The following TCTN3 variants were observed in gnomAD, a reference collection of about 807,000 sequenced individuals.
TCTN3 encodes the protein tectonic-3.
Under a neutral mutation model 71.3 loss-of-function variants are expected in TCTN3, and 57 were observed. That is an observed-to-expected ratio of 0.80 (90% CI 0.65 to 1.00). The LOEUF is 1.00. Among genes scored for constraint, TCTN3 ranks in the 50% least tolerant of loss-of-function variants. The probability of loss-of-function intolerance (pLI) is 0.00; values close to 1 mark genes in which losing one functional copy is unlikely to be tolerated. For synonymous variants in TCTN3, 258 were observed against 267.8 expected (o/e 0.96, Z 0.36); for missense variants, 696 against 719.9 (o/e 0.97, Z 0.38).
Position 95,692,974 on chromosome 10 carries a change from T to C in TCTN3, c.445A>G (p.Arg149Gly), listed in dbSNP as rs2139764963. ...IFRSNSPFPS[R>G]VFMDSNGIRQ... ...ATTCCATTAGAATCCATGAAAACTC[T>C]TGAAGGAAACGGGGAATTACTCCTG... Residue 149 changes from arginine to glycine, a missense_variant, in exon 3 of 14, where the codon AGA (arginine) becomes GGA (glycine). Transcript: ENST00000371217. 6.2e-7 allele frequency: 1 copy of C among 1,614,142 alleles called. No homozygotes were observed. Among genetic ancestry groups the C allele is most frequent in the Non-Finnish European group, 8.5e-7 (1 of 1,180,010 alleles).
Position 95,687,723 on chromosome 10 carries a change from A to C in TCTN3, c.500-4T>G. 5 of 1,603,696 alleles carry C rather than the reference A, an allele frequency of 3.1e-6. No homozygotes were observed. The highest frequency in any genetic ancestry group is 4.2e-6 in the Non-Finnish European group (5 of 1,177,540). On this transcript the variant is annotated splice_region_variant and splice_polypyrimidine_tract_variant and intron_variant, in intron 3 of 13. Transcript: ENST00000371217. The stretch of plus-strand genomic sequence containing the variant: ...TTCTGGAAATAGTTTAAGTTTGCTA[A>C]AATGTTTTTTAAAAGAAAAAGCGTT...
chr10:95,686,934 C>T, intron 6 of TCTN3, 110 bp downstream of exon 6: 2 of 922,366 alleles, frequency 2.2e-6, no homozygotes, highest in Admixed American at 2.6e-5. Flanking sequence ...TACGTGGCTC[C>T]TGGGGATTCT....
intron 13 of TCTN3, 28 bp from the exon 14 acceptor site, chr10:95,664,328 A>C (rs1188569466): frequency 6.3e-7 from 1 of 1,595,852 alleles, no homozygotes; most frequent in Non-Finnish European, 8.6e-7. Context: ...ATGACAGGTC[A>C]GCGCTTGGTA....
intron 13 of TCTN3, among the ~76,000 whole-genome samples, chr10:95,664,601 A>C (rs1037389877): frequency 6.6e-6 from 1 of 152,218 alleles, no homozygotes; most frequent in African/African-American, 2.4e-5. Context: ...TGCTGCTCTT[A>C]GGTGCTTAGC....
At chr10:95,670,803 C>CT (rs1474160658) in intron 13 of TCTN3, among the ~76,000 whole-genome samples, 6 of 152,138 alleles carry the variant, frequency 3.9e-5, no homozygotes, top group African/African-American at 1.4e-4. Flanking sequence ...GCTAGGAATA[C>CT]AGGTGCATGC....
chr10:95,685,711 C>T, intron 7 of TCTN3, 75 bp from the exon 8 acceptor site: 1 of 1,183,718 alleles, frequency 8.4e-7, no homozygotes, highest in Non-Finnish European at 1.2e-6. Flanking sequence ...AGATATCATG[C>T]TAAGATGAGT....
chr10:95,675,217 G>T (rs1003069204), intron 13 of TCTN3, among the ~76,000 whole-genome samples: 1 of 152,048 alleles, frequency 6.6e-6, no homozygotes, highest in African/African-American at 2.4e-5. Flanking sequence ...CTCAGCCTCT[G>T]GAGTAGCTGG....
chr10:95,693,169 C>T (rs1463876443), intron 2 of TCTN3, 131 bp from the exon 3 acceptor site: 3 of 1,207,392 alleles, frequency 2.5e-6, no homozygotes, highest in Non-Finnish European at 3.5e-6. Context: ...ACACGAAGGT[C>T]TTATTCTACT....
Position 95,693,344 on chromosome 10 carries a change from G to A in TCTN3, c.380+9C>T. The A allele has an allele frequency of 6.4e-7, 1 of 1,551,774 alleles. No individual in the cohort carries two copies. Among genetic ancestry groups the A allele is most frequent in the Non-Finnish European group, 8.7e-7 (1 of 1,146,998 alleles). ...CCCTTTAGGATTCAGTCTGAGCAAC[G>A]AAGCTCACCTTACGCTGCCTGGAAG... On this transcript the variant is annotated intron_variant, in intron 2 of 13. Transcript: ENST00000371217.
At chr10:95,667,636 AAAG>A (rs2097926949) in intron 13 of TCTN3, among the ~76,000 whole-genome samples, 1 of 152,246 alleles carries the variant, frequency 6.6e-6, no homozygotes, top group Non-Finnish European at 1.5e-5. Flanking sequence ...CATTGGGCAT[AAAG>A]AAGGACAGAG....
intron 13 of TCTN3, among the ~76,000 whole-genome samples, chr10:95,671,797 T>C (rs2097931694): frequency 6.6e-6 from 1 of 152,190 alleles, no homozygotes; most frequent in Admixed American, 6.5e-5. Context: ...GGTTTCACCA[T>C]GTTGGTCAGG....
In TCTN3 at chr10:95,693,152, T is replaced by C. The variant is rs977542657; in HGVS notation, c.381-114A>G. 2.7e-5 allele frequency: 32 copies of C among 1,187,750 alleles called. 2 individuals carry two copies. The highest frequency in any genetic ancestry group is 9.0e-5 in the Admixed American group (4 of 44,662). 73.6% of individuals were successfully genotyped at this position (1,187,750 alleles called of 1,614,324 possible). A position where few individuals can be genotyped will look rare whatever the true frequency, so the allele number is the denominator to read the frequency against. On this transcript the variant is annotated intron_variant, in intron 2 of 13. Transcript: ENST00000371217. Reference sequence around the variant, plus strand: ...CCAAAGAGGACTCCTTGGGCACCTATAGGACGACACGAAGGTCTTATTCTA... The same window carrying C: ...CCAAAGAGGACTCCTTGGGCACCTACAGGACGACACGAAGGTCTTATTCTA...
At chr10:95,687,822 A>T in intron 3 of TCTN3, 103 bp from the exon 4 acceptor site, 1 of 1,338,822 alleles carries the variant, frequency 7.5e-7, no homozygotes, top group Non-Finnish European at 1.0e-6. Flanking sequence ...ACAGGGTGCA[A>T]ATCTTAAGTG....
At chr10:95,682,589 T>TC (rs2097944054) in intron 12 of TCTN3, 62 bp downstream of exon 12, 1 of 1,546,076 alleles carries the variant, frequency 6.5e-7, no homozygotes, top group Admixed American at 1.9e-5. Context: ...TTAAACTTAC[T>TC]ATCCAAGATT....
intron 3 of TCTN3, 38 bp from the exon 4 acceptor site, chr10:95,687,757 A>G (rs1334830731): frequency 1.3e-6 from 2 of 1,586,340 alleles, no homozygotes; most frequent in South Asian, 1.2e-5. Flanking sequence ...TTTAGATAAA[A>G]GAAAAACATG....
intron 13 of TCTN3, among the ~76,000 whole-genome samples, chr10:95,665,155 C>CTGGAG (rs1164693788): frequency 1.3e-5 from 2 of 152,182 alleles, no homozygotes; most frequent in African/African-American, 4.8e-5. Flanking sequence ...GACACCCAGA[C>CTGGAG]TGGAGTGGAG....
chr10:95,672,295 C>G (rs1357744043), intron 13 of TCTN3, among the ~76,000 whole-genome samples: 1 of 152,030 alleles, frequency 6.6e-6, no homozygotes, highest in Non-Finnish European at 1.5e-5. Context: ...ATAATTTGCC[C>G]ATTCTCCTCA....
intron 13 of TCTN3, among the ~76,000 whole-genome samples, chr10:95,673,326 T>G (rs1336412215): frequency 2.6e-5 from 4 of 152,210 alleles, no homozygotes; most frequent in Admixed American, 6.5e-5. Context: ...TGTATTGGTC[T>G]ATGATCCAGA....
rs1012801289 is a variant in TCTN3, at chr10:95,693,337, G to A, written c.380+16C>T. On this transcript the variant is annotated intron_variant, in intron 2 of 13. Coordinates refer to ENST00000371217, the MANE Select transcript of TCTN3 (RefSeq NM_015631.6). ...CCCAAACCCCTTTAGGATTCAGTCT[G>A]AGCAACGAAGCTCACCTTACGCTGC... 5 of 1,551,738 alleles carry A rather than the reference G, an allele frequency of 3.2e-6. No individual in the cohort carries two copies. The highest frequency in any genetic ancestry group is 4.9e-5 in the East Asian group (2 of 40,930).
Sources: allele counts gnomAD v4.1 joint callset (sites outside exome capture counted in the v4.1 genomes callset), GRCh38; gene constraint gnomAD v4.1.1; transcripts MANE v1.5; gene names NCBI Gene and HGNC (gene_info 2026-07-23, HGNC 2026-07-21).